HS6ST2: variants seen among roughly 807,000 people sequenced by gnomAD.
HS6ST2 encodes the protein heparan sulfate 6-O-sulfotransferase 2.
In HS6ST2, 17 loss-of-function variants were observed where a neutral mutation model predicts 33.0. The observed-to-expected ratio is 0.52, with a 90% CI of 0.35 to 0.77. The LOEUF (loss-of-function observed/expected upper bound fraction) is 0.77, where lower values mean the gene tolerates loss of function less well. Ranked by LOEUF, HS6ST2 falls within the 30% of genes least tolerant of loss-of-function variation. HS6ST2 has a pLI of 0.01. For missense variants in HS6ST2, 519 were observed against 551.7 expected, an observed-to-expected ratio of 0.94 and a Z score of 0.59; for synonymous variants, 248 against 237.1, an observed-to-expected ratio of 1.05 and a Z score of -0.42.
At chrX:132,959,857 G>A (rs772604789), upstream of HS6ST2, among the ~76,000 whole-genome samples, 3 of 112,030 alleles carry the variant, frequency 2.7e-5, no homozygotes, top group Non-Finnish European at 5.6e-5. Context: ...AGCTCAATGT[G>A]CCAACTGCGT....
chrX:132,800,548 T>TA (rs901696096), intron 2 of HS6ST2, among the ~76,000 whole-genome samples: 29 of 110,981 alleles, frequency 2.6e-4, no homozygotes, highest in Non-Finnish European at 3.8e-5. Context: ...TCCCTGGTGC[T>TA]AAAAAAGTCG....
intron 2 of HS6ST2, among the ~76,000 whole-genome samples, chrX:132,711,943 G>A (rs1167611522): frequency 9.0e-6 from 1 of 111,561 alleles, no homozygotes; most frequent in Admixed American, 9.5e-5. Context: ...CTGGGATATT[G>A]GTGATGGCTG....
Position 132,628,489 on chromosome X carries a change from G to A in HS6ST2, c.1672C>T (p.Arg558Cys), listed in dbSNP as rs545395522. ...QEARRKRQEQ[R>C]KFLKGRLLQT... is the part of the protein sequence containing the mutation. ...AGGAGCCTTCCCTTCAGAAATTTGC[G>A]TTGTTCCTGACGCTTTCGCCTGGCC... The change falls in exon 5 of 5, where the codon CGC becomes TGC. Residue 558 changes from arginine (R) to cysteine (C), a missense_variant. Coordinates refer to ENST00000370833, the MANE Select transcript of HS6ST2 (RefSeq NM_001394073.1). 2.9e-4 allele frequency: 352 copies of A among 1,208,887 alleles called. No individual in the cohort carries two copies. In the South Asian group the frequency reaches 5.1e-3, roughly 18 times the overall value.
At chrX:132,893,208 G>A (rs2066334197) in intron 2 of HS6ST2, among the ~76,000 whole-genome samples, 1 of 111,783 alleles carries the variant, frequency 8.9e-6, no homozygotes, top group Non-Finnish European at 1.9e-5. Flanking sequence ...TCTACCATTT[G>A]CTAGCATCTG....
chrX:132,913,310 C>G (rs1330713382), intron 2 of HS6ST2, among the ~76,000 whole-genome samples: 3 of 112,384 alleles, frequency 2.7e-5, no homozygotes, highest in Non-Finnish European at 5.6e-5. Context: ...CAGCCTAGCC[C>G]TGGGGCTGCG....
intron 2 of HS6ST2, among the ~76,000 whole-genome samples, chrX:132,765,886 T>C (rs2064844648): frequency 8.9e-6 from 1 of 112,377 alleles, no homozygotes; most frequent in Non-Finnish European, 1.9e-5. Context: ...ATTATTCTCC[T>C]TTTTAAGTTT....
intron 2 of HS6ST2, among the ~76,000 whole-genome samples, chrX:132,764,940 C>T (rs1242232706): frequency 8.9e-6 from 1 of 112,209 alleles, no homozygotes; most frequent in Non-Finnish European, 1.9e-5. Context: ...ATTCTCTCAC[C>T]TCCCACTTGC....
chrX:132,672,042 C>G (rs2063885558), intron 3 of HS6ST2, among the ~76,000 whole-genome samples: 1 of 111,857 alleles, frequency 8.9e-6, no homozygotes, highest in East Asian at 2.8e-4. Context: ...TGCCATAATT[C>G]TGAAACTTTG....
chrX:132,944,475 A>C (rs2066922214), intron 2 of HS6ST2, among the ~76,000 whole-genome samples: 1 of 111,774 alleles, frequency 8.9e-6, no homozygotes. Flanking sequence ...GCTACCAATG[A>C]CTTTCTTCAC....
intron 2 of HS6ST2, among the ~76,000 whole-genome samples, chrX:132,922,235 T>C (rs1028295356): frequency 6.3e-5 from 7 of 111,665 alleles, no homozygotes; most frequent in Non-Finnish European, 1.3e-4. Context: ...ACCCCGTCTC[T>C]ACTAAAAATA....
In HS6ST2 at chrX:132,812,444, T is replaced by TAATAATAATAATAAA. The variant is rs1434253178; in HGVS notation, c.948-103951_948-103950insTTTATTATTATTATT. 8.3e-5 allele frequency among the ~76,000 whole-genome samples: 8 copies of TAATAATAATAATAAA among 96,888 alleles called. No individual in the cohort carries two copies. In the South Asian group the frequency reaches 3.7e-3, roughly 45 times the overall value. The allele number at this position is 96,888 out of a possible 115,157, so 84.1% of individuals were successfully genotyped here. A position where few individuals can be genotyped will look rare whatever the true frequency, so the allele number is the denominator to read the frequency against. The stretch of plus-strand genomic sequence containing the variant: ...ATAATAATAATAATAATAATAATAA[T>TAATAATAATAATAAA]AAAATAATAATAATAATGGCCATCC... On this transcript the variant is annotated intron_variant, in intron 2 of 4. Transcript: ENST00000370833.
intron 2 of HS6ST2, among the ~76,000 whole-genome samples, chrX:132,944,510 G>C (rs1303061011): frequency 9.0e-6 from 1 of 111,562 alleles, no homozygotes; most frequent in Non-Finnish European, 1.9e-5. Flanking sequence ...CTACTTTAAA[G>C]TTCATATGGA....
At chrX:132,824,439 T>C (rs1286091442) in intron 2 of HS6ST2, among the ~76,000 whole-genome samples, 2 of 112,587 alleles carry the variant, frequency 1.8e-5, no homozygotes, top group African/African-American at 3.2e-5. Flanking sequence ...GCAGACAGTG[T>C]ATCTTTGAAC....
At position 132,876,748 on chromosome X, in the gene HS6ST2, A is replaced by G. The variant is rs143880029; in HGVS notation, c.947+80060T>C. On this transcript the variant is annotated intron_variant, in intron 2 of 4. Coordinates refer to ENST00000370833, the MANE Select transcript of HS6ST2 (RefSeq NM_001394073.1). ...TTCCAGCCCACCAGCAGGGGCCCCAACACTCCTTGATGTTAACCCTTGGTT... is the reference window on the plus strand; with the variant it reads ...TTCCAGCCCACCAGCAGGGGCCCCAGCACTCCTTGATGTTAACCCTTGGTT... 4.3e-3 allele frequency among the ~76,000 whole-genome samples: 473 copies of G among 111,259 alleles called. 1 individual carries two copies. The highest frequency in any genetic ancestry group is 0.014 in the Middle Eastern group (3 of 217).
chrX:132,859,963 C>A (rs929985389), intron 2 of HS6ST2, among the ~76,000 whole-genome samples: 20 of 110,018 alleles, frequency 1.8e-4, no homozygotes, highest in Non-Finnish European at 3.2e-4. Flanking sequence ...TCCTTATATC[C>A]ATACCCAAGT....
At chrX:132,826,135 C>T (rs148850144) in intron 2 of HS6ST2, among the ~76,000 whole-genome samples, 4,413 of 112,598 alleles carry the variant, frequency 0.039, 205 homozygotes, top group African/African-American at 0.13. Context: ...TCACTTTTCA[C>T]GTGTGACTGC....
At chrX:132,694,965 G>C (rs189373393) in intron 3 of HS6ST2, among the ~76,000 whole-genome samples, 15 of 111,079 alleles carry the variant, frequency 1.4e-4, no homozygotes, top group Non-Finnish European at 9.4e-5. Context: ...TTGTCTGGGG[G>C]CAGGTGAAGT....
intron 2 of HS6ST2, among the ~76,000 whole-genome samples, chrX:132,746,054 A>G (rs2064637548): frequency 8.9e-6 from 1 of 111,877 alleles, no homozygotes. Context: ...CCTGGAGCAA[A>G]TGAGTCTAAG....
chrX:132,700,319 T>G, intron 3 of HS6ST2, among the ~76,000 whole-genome samples: 1 of 111,238 alleles, frequency 9.0e-6, no homozygotes, highest in Middle Eastern at 4.6e-3. Flanking sequence ...GGAAAATCAA[T>G]GGAGCTCATT....
Sources: allele counts gnomAD v4.1 joint callset (sites outside exome capture counted in the v4.1 genomes callset), GRCh38; gene constraint gnomAD v4.1.1; transcripts MANE v1.5; gene names NCBI Gene and HGNC (gene_info 2026-07-23, HGNC 2026-07-21).